Variants in TJP1 observed in about 807,000 individuals in gnomAD.
TJP1 encodes the protein tight junction protein 1.
TJP1 carries 43 observed loss-of-function variants against 194.2 expected under a neutral mutation model. The observed-to-expected ratio is 0.22, with a 90% confidence interval of 0.17 to 0.29. TJP1 has a LOEUF of 0.29. Ranked by LOEUF, TJP1 falls within the 10% of genes least tolerant of loss-of-function variation. The pLI is 1.00. For synonymous variants in TJP1, 801 were observed against 779.0 expected, an observed-to-expected ratio of 1.03 and a Z score of -0.47; for missense variants, 1,971 against 2,185.7, an observed-to-expected ratio of 0.90 and a Z score of 1.96.
intron 2 of TJP1, among the ~76,000 whole-genome samples, chr15:29,778,295 C>A (rs1051309530): frequency 6.6e-6 from 1 of 151,254 alleles, no homozygotes; most frequent in East Asian, 1.9e-4. Context: ...CAATCTATAC[C>A]AATTAAGTAA....
At position 29,700,999 on chromosome 15, in the gene TJP1, C is replaced by A. The variant is rs1188527433; in HGVS notation, c.*596G>T. ...TAGAGATCTGAAGAGGCCATGGAAC[C>A]AGTCTCACATGCTTTTGTATCCTTC... is the stretch of plus-strand genomic sequence containing the variant. On this transcript the variant is annotated 3_prime_UTR_variant, in exon 28 of 28. Transcript: ENST00000614355. 1 of 152,994 alleles carries A rather than the reference C, an allele frequency of 6.5e-6. No individual in the cohort carries two copies. The highest frequency in any genetic ancestry group is 1.5e-5 in the Non-Finnish European group (1 of 68,342). 9.5% of individuals were successfully genotyped at this position (152,994 alleles called of 1,614,324 possible).
At position 29,720,012 on chromosome 15, in the gene TJP1, GCTTT is replaced by G; in HGVS notation, c.2764_2767del (p.Lys922GlnfsTer27). ...GTAAGGGACTGGAGATGAAGCTTCT[GCTTT>G]CTGTGAAGTGTTTAAAATATTTTAA... On this transcript the variant is annotated frameshift_variant and splice_region_variant, in exon 20 of 28. Transcript: ENST00000614355. LOFTEE classifies it high-confidence loss of function. 3.1e-6 allele frequency: 5 copies of G among 1,603,248 alleles called. No individual in the cohort carries two copies. Among genetic ancestry groups the G allele is most frequent in the Non-Finnish European group, 4.2e-6 (5 of 1,176,606 alleles).
intron 2 of TJP1, among the ~76,000 whole-genome samples, chr15:29,903,734 A>G (rs887601496): frequency 1.3e-5 from 2 of 152,144 alleles, no homozygotes; most frequent in Non-Finnish European, 2.9e-5. Context: ...GTGAGCTACC[A>G]CGCCCGGCCC....
At chr15:29,748,956 G>A (rs1388206879) in intron 8 of TJP1, among the ~76,000 whole-genome samples, 9 of 29,092 alleles carry the variant, frequency 3.1e-4, no homozygotes, top group South Asian at 1.2e-3. Context: ...GTGTGTGTGC[G>A]CGTGTGTGCG....
At position 29,822,077 on chromosome 15, in the gene TJP1, C is replaced by G; in HGVS notation, c.-49G>C. 1 of 1,245,284 alleles carries G rather than the reference C, an allele frequency of 8.0e-7. No homozygotes were observed. Among genetic ancestry groups the G allele is most frequent in the African/African-American group, 1.6e-5 (1 of 64,192 alleles). The allele number at this position is 1,245,284 out of a possible 1,614,324, so 77.1% of individuals were successfully genotyped here. On this transcript the variant is annotated 5_prime_UTR_variant, in exon 1 of 28. Transcript: ENST00000614355. ...GAGGCTCCTCGGACCCGAAACTCCG[C>G]GGCGCTGGCCCGCCCGCTCCTCACG...
rs566492281 is a variant in TJP1 at position 29,834,803 on chromosome 15, C to T, written c.307-34101G>A. ...AACCAGGGTCCCCACAGGGATTCTG[C>T]GCTTTGGGGAGAACTTCTGTTCTTC... On this transcript the variant is annotated intron_variant, in intron 2 of 28. Coordinates refer to the TJP1 transcript ENST00000356107. 3.3e-5 allele frequency among the ~76,000 whole-genome samples: 5 copies of T among 152,248 alleles called. No individual in the cohort carries two copies. The South Asian group carries it at 6.2e-4, about 19-fold the overall frequency.
At chr15:29,721,843 T>C (rs1359223329) in intron 18 of TJP1, among the ~76,000 whole-genome samples, 1 of 152,250 alleles carries the variant, frequency 6.6e-6, no homozygotes, top group African/African-American at 2.4e-5. Flanking sequence ...TCATTCATTC[T>C]TGCTATGCTT....
intron 1 of TJP1, among the ~76,000 whole-genome samples, chr15:29,817,197 G>A (rs2049986452): frequency 6.6e-6 from 1 of 152,164 alleles, no homozygotes; most frequent in Admixed American, 6.5e-5. Context: ...CAAAAAAAAG[G>A]AGGTATTTAT....
At chr15:29,785,634 C>T (rs752281004) in intron 2 of TJP1, among the ~76,000 whole-genome samples, 2 of 152,188 alleles carry the variant, frequency 1.3e-5, no homozygotes, top group Non-Finnish European at 2.9e-5. Flanking sequence ...TTTTATTCTT[C>T]CATTTTTCCA....
At chr15:29,738,865 T>TAAAAAAAAA (rs71103406) in intron 10 of TJP1, among the ~76,000 whole-genome samples, 3 of 48,862 alleles carry the variant, frequency 6.1e-5, no homozygotes, top group African/African-American at 2.8e-4. Context: ...CTGTCACTAC[T>TAAAAAAAAA]AAAAAAAAAA....
chr15:29,733,006 T>A (rs2043769473), intron 13 of TJP1, 88 bp downstream of exon 13: 2 of 1,445,788 alleles, frequency 1.4e-6, no homozygotes, highest in African/African-American at 2.8e-5. Context: ...AAAGAATTCT[T>A]TACATTACCA....
intron 2 of TJP1, among the ~76,000 whole-genome samples, chr15:29,839,213 T>A (rs560940809): frequency 6.6e-6 from 1 of 152,138 alleles, no homozygotes; most frequent in South Asian, 2.1e-4. Context: ...TTAGCCAGGA[T>A]GGTCTTGATT....
chr15:29,851,041 G>A (rs1293329342), intron 2 of TJP1, among the ~76,000 whole-genome samples: 1 of 152,114 alleles, frequency 6.6e-6, no homozygotes, highest in African/African-American at 2.4e-5. Context: ...GGGAGGCTGA[G>A]GCAGGAAAAT....
intron 2 of TJP1, among the ~76,000 whole-genome samples, chr15:29,891,642 C>T (rs1284076344): frequency 2.0e-5 from 3 of 152,168 alleles, no homozygotes; most frequent in East Asian, 3.8e-4. Context: ...CAAACTTTTT[C>T]ATCGTTCTTA....
At chr15:29,767,884 A>G (rs2046419800) in intron 4 of TJP1, among the ~76,000 whole-genome samples, 1 of 152,084 alleles carries the variant, frequency 6.6e-6, no homozygotes, top group Non-Finnish European at 1.5e-5. Context: ...TTGAGCTCTC[A>G]TTCTCATCCC....
intron 23 of TJP1, among the ~76,000 whole-genome samples, chr15:29,714,535 GC>G (rs2042434551): frequency 2.5e-5 from 3 of 122,296 alleles, no homozygotes; most frequent in Admixed American, 8.7e-5. Context: ...ACTGCGCCCA[GC>G]CTTTTTTTTT....
chr15:29,788,094 G>C (rs762232068), intron 2 of TJP1, among the ~76,000 whole-genome samples: 8 of 152,050 alleles, frequency 5.3e-5, no homozygotes, highest in Non-Finnish European at 8.8e-5. Flanking sequence ...TGCATTTATT[G>C]CACATTCATA....
intron 1 of TJP1, among the ~76,000 whole-genome samples, chr15:29,818,278 G>A (rs1046986696): frequency 2.6e-5 from 4 of 152,142 alleles, no homozygotes; most frequent in African/African-American, 9.7e-5. Context: ...AAACACAGAA[G>A]CCACTGAAAC....
intron 2 of TJP1, among the ~76,000 whole-genome samples, chr15:29,924,456 G>A (rs1291897753): frequency 6.6e-6 from 1 of 152,150 alleles, no homozygotes; most frequent in African/African-American, 2.4e-5. Flanking sequence ...GCCCATACAA[G>A]AGATAGCAAA....
Sources: allele counts gnomAD v4.1 joint callset (sites outside exome capture counted in the v4.1 genomes callset), GRCh38; gene constraint gnomAD v4.1.1; transcripts MANE v1.5; gene names NCBI Gene and HGNC (gene_info 2026-07-23, HGNC 2026-07-21).